MSRA: variants seen among roughly 807,000 people sequenced by gnomAD.
MSRA encodes mitochondrial peptide methionine sulfoxide reductase.
In MSRA, 54 loss-of-function variants were observed where a neutral mutation model predicts 31.3. That is an observed-to-expected ratio of 1.73 (90% confidence interval 1.39 to 2.17). The LOEUF is 2.17. Among genes scored for constraint, MSRA ranks in the 30% most tolerant of loss-of-function variants. The probability of loss-of-function intolerance (pLI) is 0.00; values close to 1 mark genes in which losing one functional copy is unlikely to be tolerated. For missense variants in MSRA, 507 were observed against 300.9 expected, an observed-to-expected ratio of 1.69 and a Z score of -5.07; for synonymous variants, 169 against 116.5, an observed-to-expected ratio of 1.45 and a Z score of -2.90.
intron 1 of MSRA, among the ~76,000 whole-genome samples, chr8:10,101,407 A>T (rs1233883262): frequency 6.6e-6 from 1 of 152,158 alleles, no homozygotes; most frequent in African/African-American, 2.4e-5. Context: ...TTACCGTCTT[A>T]ACCATTTTTA....
chr8:10,352,415 A>C (rs1179863156), intron 5 of MSRA, among the ~76,000 whole-genome samples: 2 of 152,176 alleles, frequency 1.3e-5, no homozygotes, highest in African/African-American at 4.8e-5. Flanking sequence ...CTACAAGTTC[A>C]GCTTGGGGCA....
intron 2 of MSRA, among the ~76,000 whole-genome samples, chr8:10,210,898 T>A (rs922328659): frequency 7.0e-6 from 1 of 143,172 alleles, no homozygotes; most frequent in Non-Finnish European, 1.5e-5. Context: ...CACGCTCACC[T>A]TTTTTTTTTT....
chr8:10,160,188 A>G (rs1804511108), intron 1 of MSRA, among the ~76,000 whole-genome samples: 1 of 152,190 alleles, frequency 6.6e-6, no homozygotes, highest in South Asian at 2.1e-4. Context: ...TACAGCCCCA[A>G]CAGGTGATTA....
At chr8:10,126,752 G>T (rs1290872013) in intron 1 of MSRA, among the ~76,000 whole-genome samples, 1 of 152,190 alleles carries the variant, frequency 6.6e-6, no homozygotes, top group Non-Finnish European at 1.5e-5. Flanking sequence ...GAGCTCAAGT[G>T]ATCCACTCGC....
chr8:10,233,023 C>G (rs952654680), intron 2 of MSRA, among the ~76,000 whole-genome samples: 13 of 152,168 alleles, frequency 8.5e-5, no homozygotes, highest in Admixed American at 5.9e-4. Context: ...GTGGTGGTGA[C>G]AGGTAAATTC....
intron 1 of MSRA, chr8:10,096,155 T>C: frequency 1.6e-6 from 2 of 1,244,302 alleles, no homozygotes; most frequent in Non-Finnish European, 2.1e-6. Context: ...GAGTAAAAGT[T>C]GTTTTATCCA....
intron 1 of MSRA, among the ~76,000 whole-genome samples, chr8:10,057,855 C>T (rs1050157480): frequency 5.3e-5 from 8 of 152,300 alleles, no homozygotes; most frequent in Non-Finnish European, 1.0e-4. Flanking sequence ...TTAAACCTCT[C>T]TTCTTTATAA....
At chr8:10,223,775 G>A (rs1810736131) in intron 2 of MSRA, among the ~76,000 whole-genome samples, 1 of 152,190 alleles carries the variant, frequency 6.6e-6, no homozygotes, top group Non-Finnish European at 1.5e-5. Flanking sequence ...GTTAAAGGCA[G>A]GGGTCAAATC....
chr8:10,069,291 T>C (rs1797613185), intron 1 of MSRA, among the ~76,000 whole-genome samples: 1 of 152,232 alleles, frequency 6.6e-6, no homozygotes, highest in African/African-American at 2.4e-5. Flanking sequence ...ACTTCTAGTA[T>C]GATGCTGAAT....
At chr8:10,337,592 T>C in intron 5 of MSRA, 1 of 650,882 alleles carries the variant, frequency 1.5e-6, no homozygotes, top group South Asian at 1.7e-5. Context: ...CCTCTCTGTC[T>C]CTGGAAGTTG....
chr8:10,139,800 T>A (rs1802552420), intron 1 of MSRA, among the ~76,000 whole-genome samples: 1 of 152,220 alleles, frequency 6.6e-6, no homozygotes, highest in Admixed American at 6.5e-5. Context: ...TCTATATCCT[T>A]GCTATTGTGA....
At chr8:10,171,269 A>G (rs1805562212) in intron 1 of MSRA, among the ~76,000 whole-genome samples, 1 of 152,008 alleles carries the variant, frequency 6.6e-6, no homozygotes, top group Admixed American at 6.6e-5. Flanking sequence ...TCTATGTGCC[A>G]TTCCTCTTAG....
rs752892918 is a variant in MSRA, at chr8:10,054,619, G to A, written c.103G>A (p.Glu35Lys). The change falls in exon 1 of 6, where the codon GAG (glutamate) becomes AAG (lysine). Residue 35 changes from glutamate (E) to lysine (K), a missense_variant. By Grantham distance (56) the Glu-to-Lys change is moderately conservative. Coordinates refer to ENST00000317173, the MANE Select transcript of MSRA (RefSeq NM_012331.5). Reference protein sequence around the residue: ...NSASNIVSPQEALPGRKEQTP... With the variant: ...NSASNIVSPQKALPGRKEQTP... ...GGCCTCGAACATCGTCAGCCCCCAG[G>A]AGGCCTTGCCGGGCCGGAAGGAACA... is the stretch of plus-strand genomic sequence containing the variant. 1.3e-6 allele frequency: 2 copies of A among 1,577,824 alleles called. No homozygotes were observed. The highest frequency in any genetic ancestry group is 1.7e-6 in the Non-Finnish European group (2 of 1,162,676).
chr8:10,104,355 C>T (rs887708670), intron 1 of MSRA, among the ~76,000 whole-genome samples: 1 of 152,224 alleles, frequency 6.6e-6, no homozygotes, highest in African/African-American at 2.4e-5. Context: ...ATCTGTGACA[C>T]AGCCTCAGGA....
intron 5 of MSRA, among the ~76,000 whole-genome samples, chr8:10,354,366 G>A (rs917413999): frequency 2.6e-5 from 4 of 152,208 alleles, no homozygotes; most frequent in Non-Finnish European, 5.9e-5. Flanking sequence ...CAAATGCGAG[G>A]ACACAACAGC....
chr8:10,371,396 C>G (rs1053598814), intron 5 of MSRA, among the ~76,000 whole-genome samples: 1 of 152,126 alleles, frequency 6.6e-6, no homozygotes, highest in Non-Finnish European at 1.5e-5. Flanking sequence ...CGTTCCGTAG[C>G]TTCCCTGACC....
chr8:10,251,860 G>GT (rs1035535838), intron 3 of MSRA, among the ~76,000 whole-genome samples: 3 of 143,972 alleles, frequency 2.1e-5, no homozygotes, highest in Admixed American at 1.4e-4. Flanking sequence ...GGTTGACATG[G>GT]TGGGGGGGGG....
At chr8:10,300,918 A>G (rs7822305) in intron 3 of MSRA, among the ~76,000 whole-genome samples, 3,715 of 152,250 alleles carry the variant, frequency 0.024, 71 homozygotes, top group Non-Finnish European at 0.033. Flanking sequence ...CTGCAAGTAG[A>G]CATATGTCAC....
chr8:10,284,226 G>T (rs1416269474), intron 3 of MSRA, among the ~76,000 whole-genome samples: 2 of 152,028 alleles, frequency 1.3e-5, no homozygotes, highest in African/African-American at 2.4e-5. Flanking sequence ...TTTTACTCTT[G>T]TTCCCGGGAT....
Sources: gnomAD v4.1 joint callset for allele counts (sites outside exome capture counted in the v4.1 genomes callset) on GRCh38, gnomAD v4.1.1 for gene constraint, MANE v1.5 for transcripts, NCBI Gene and HGNC (gene_info 2026-07-23, HGNC 2026-07-21) for gene names.